LLPH: variants seen among roughly 807,000 people sequenced by gnomAD.
The protein encoded by LLPH is LLP homolog, long-term synaptic facilitation factor.
Under a neutral mutation model 13.3 loss-of-function variants are expected in LLPH, and 5 were observed. The observed-to-expected ratio is 0.38, with a 90% confidence interval of 0.20 to 0.79. LLPH has a LOEUF of 0.79. Among genes scored for constraint, LLPH ranks in the 30% least tolerant of loss-of-function variants. The probability of loss-of-function intolerance (pLI) is 0.45; values close to 1 mark genes in which losing one functional copy is unlikely to be tolerated. For missense variants in LLPH, 129 were observed against 152.1 expected, an observed-to-expected ratio of 0.85 and a Z score of 0.80; for synonymous variants, 32 against 44.2, an observed-to-expected ratio of 0.72 and a Z score of 1.09.
chr12:66,127,051 C>T (rs1261543530), intron 2 of LLPH, among the ~76,000 whole-genome samples: 1 of 152,170 alleles, frequency 6.6e-6, no homozygotes, highest in Non-Finnish European at 1.5e-5. Context: ...TCGAAGATGG[C>T]TATAATCCGA....
Position 66,117,240 on chromosome 12 carries a change from T to A in LLPH, c.*6600A>T, listed in dbSNP as rs1302911629. 1 of 152,234 alleles carries A rather than the reference T, an allele frequency of 6.6e-6. No homozygotes were observed. Among genetic ancestry groups the A allele is most frequent in the Non-Finnish European group, 1.5e-5 (1 of 68,036 alleles). 9.4% of individuals were successfully genotyped at this position (152,234 alleles called of 1,614,324 possible). A position where few individuals can be genotyped will look rare whatever the true frequency, so the allele number is the denominator to read the frequency against. On this transcript the variant is annotated 3_prime_UTR_variant, in exon 3 of 3. Transcript: ENST00000266604. ...CATCTGTACTGAACATGTACCGACTTTTTTTCTTATCATTATTCCCTAAAT... is the reference window on the plus strand; with the variant it reads ...CATCTGTACTGAACATGTACCGACTATTTTTCTTATCATTATTCCCTAAAT...
intron 1 of LLPH, among the ~76,000 whole-genome samples, chr12:66,129,734 G>A (rs1390533633): frequency 4.6e-5 from 7 of 152,104 alleles, no homozygotes; most frequent in Non-Finnish European, 8.8e-5. Flanking sequence ...ATGCAACAGC[G>A]TCATCACCTT....
At chr12:66,124,311 T>C (rs1395756360) in intron 2 of LLPH, among the ~76,000 whole-genome samples, 1 of 152,222 alleles carries the variant, frequency 6.6e-6, no homozygotes, top group African/African-American at 2.4e-5. Flanking sequence ...TTGAGTTCAG[T>C]AAGCATACCT....
rs578093944 is a variant in LLPH at position 66,118,041 on chromosome 12, T to G, written c.*5799A>C. The G allele has an allele frequency of 6.6e-6, 1 of 152,184 alleles. No homozygotes were observed. The highest frequency in any genetic ancestry group is 2.4e-5 in the African/African-American group (1 of 41,530). The allele number at this position is 152,184 out of a possible 1,614,324, so 9.4% of individuals were successfully genotyped here. ...TTATTGAAGAAAGTTTTTTATAAGT[T>G]TATGTAGCCTAAGTGCACAGTGTAT... On this transcript the variant is annotated 3_prime_UTR_variant, in exon 3 of 3. Transcript: ENST00000266604.
In LLPH at chr12:66,118,592, T is replaced by A. The variant is rs2051444006; in HGVS notation, c.*5248A>T. On this transcript the variant is annotated 3_prime_UTR_variant, in exon 3 of 3. Coordinates refer to ENST00000266604, the MANE Select transcript of LLPH (RefSeq NM_032338.4). ...TGATACAATTGCCTACAGTACTCAG[T>A]ACAGTAACTTGCTTGACCAATTTGT... 1 of 152,192 alleles carries A rather than the reference T, an allele frequency of 6.6e-6. No individual in the cohort carries two copies. Among genetic ancestry groups the A allele is most frequent in the Non-Finnish European group, 1.5e-5 (1 of 68,054 alleles). 9.4% of individuals were successfully genotyped at this position (152,192 alleles called of 1,614,324 possible).
chr12:66,123,287 T>G lies in LLPH; in HGVS notation c.*553A>C, dbSNP rs2136827489. The G allele has an allele frequency of 6.6e-6, 1 of 152,518 alleles. No homozygotes were observed. Among genetic ancestry groups the G allele is most frequent in the African/African-American group, 2.4e-5 (1 of 41,520 alleles). 9.4% of individuals were successfully genotyped at this position (152,518 alleles called of 1,614,324 possible). A position where few individuals can be genotyped will look rare whatever the true frequency, so the allele number is the denominator to read the frequency against. ...CTGGAACTACAGGTGCGCGCCCCCATGCCCGGCTAATTTTGTATTTTTAGT... is the reference window on the plus strand; with the variant it reads ...CTGGAACTACAGGTGCGCGCCCCCAGGCCCGGCTAATTTTGTATTTTTAGT... On this transcript the variant is annotated 3_prime_UTR_variant, in exon 3 of 3. Transcript: ENST00000266604.
chr12:66,126,750 G>A (rs1049612493), intron 2 of LLPH, among the ~76,000 whole-genome samples: 8 of 152,028 alleles, frequency 5.3e-5, no homozygotes, highest in Non-Finnish European at 7.4e-5. Context: ...GGCCAACATG[G>A]TGAAACCCCA....
chr12:66,125,393 C>A (rs1026941241), intron 2 of LLPH, among the ~76,000 whole-genome samples: 2 of 152,080 alleles, frequency 1.3e-5, no homozygotes, highest in African/African-American at 2.4e-5. Context: ...AGGATGACTA[C>A]TAGGTTTATG....
rs1025280755 is a variant in LLPH, at chr12:66,117,638, T to C, written c.*6202A>G. 6.6e-6 allele frequency: 1 copy of C among 152,246 alleles called. No homozygotes were observed. Among genetic ancestry groups the C allele is most frequent in the Non-Finnish European group, 1.5e-5 (1 of 68,048 alleles). 9.4% of individuals were successfully genotyped at this position (152,246 alleles called of 1,614,324 possible). A position where few individuals can be genotyped will look rare whatever the true frequency, so the allele number is the denominator to read the frequency against. On this transcript the variant is annotated 3_prime_UTR_variant, in exon 3 of 3. Coordinates refer to ENST00000266604, the MANE Select transcript of LLPH (RefSeq NM_032338.4). ...CCTTCTACTTAAAGAAAAAGTTGAC[T>C]GTGAACAGCCTCAGGCAGGTCCTCC...
chr12:66,128,259 T>C (rs2051509984), intron 2 of LLPH, among the ~76,000 whole-genome samples: 1 of 152,218 alleles, frequency 6.6e-6, no homozygotes, highest in Non-Finnish European at 1.5e-5. Flanking sequence ...TACATGTATT[T>C]CTATTTTAAA....
chr12:66,126,697 G>A (rs545609587), intron 2 of LLPH, among the ~76,000 whole-genome samples: 3 of 152,262 alleles, frequency 2.0e-5, no homozygotes, highest in South Asian at 2.1e-4. Context: ...TTGGGAGGCT[G>A]AGGCAGGTGG....
intron 2 of LLPH, among the ~76,000 whole-genome samples, chr12:66,125,447 A>C (rs1432122490): frequency 6.6e-6 from 1 of 152,188 alleles, no homozygotes; most frequent in East Asian, 1.9e-4. Flanking sequence ...GAAATAAGGA[A>C]AAACATGAAC....
Position 66,128,932 on chromosome 12 carries a change from G to C in LLPH, c.175C>G (p.Gln59Glu), listed in dbSNP as rs1401898727. The C allele has an allele frequency of 1.2e-6, 2 of 1,611,996 alleles. No individual in the cohort carries two copies. The highest frequency in any genetic ancestry group is 1.7e-6 in the Non-Finnish European group (2 of 1,178,998). The change falls in exon 2 of 3, where the codon CAA becomes GAA. Residue 59 changes from glutamine (Q) to glutamate (E), a missense_variant. By Grantham distance (29) the Gln-to-Glu change is conservative. Coordinates refer to ENST00000266604, the MANE Select transcript of LLPH (RefSeq NM_032338.4). ...TVVVPKPKHCQEKMQCEVKDE... is the reference protein window; with the variant it reads ...TVVVPKPKHCEEKMQCEVKDE... ...TTTACCTCACATTGCATTTTCTCTT[G>C]GCAATGTTTGGGTTTGGGTACCACC... is the stretch of plus-strand genomic sequence containing the variant.
chr12:66,123,922 T>C lies in LLPH; in HGVS notation c.308A>G (p.Lys103Arg). Residue 103 changes from lysine (K) to arginine (R), a missense_variant, in exon 3 of 3, where the codon AAA (lysine) becomes AGA (arginine). Physicochemically the swap from Lys to Arg is conservative, Grantham distance 26. Coordinates refer to ENST00000266604, the MANE Select transcript of LLPH (RefSeq NM_032338.4). ...YPIWMNQRQR[K>R]RLKAKREKRK... is the part of the protein sequence containing the mutation. ...TTTCTCTCGCTTTGCCTTCAGCCTT[T>C]TTCTTTGCCTTTGGTTCATCCATAT... 1 of 1,613,172 alleles carries C rather than the reference T, an allele frequency of 6.2e-7. No homozygotes were observed. The highest frequency in any genetic ancestry group is 8.5e-7 in the Non-Finnish European group (1 of 1,179,640).
chr12:66,128,349 A>G (rs1189075146), intron 2 of LLPH, among the ~76,000 whole-genome samples: 1 of 152,222 alleles, frequency 6.6e-6, no homozygotes, highest in Non-Finnish European at 1.5e-5. Context: ...TTATATATAT[A>G]TCCTCCAACT....
intron 2 of LLPH, among the ~76,000 whole-genome samples, chr12:66,127,393 A>G (rs181029618): frequency 1.6e-4 from 25 of 152,376 alleles, no homozygotes; most frequent in Non-Finnish European, 1.2e-4. Context: ...CACCATGCTA[A>G]GGGAAATAAG....
rs1220630242 is a variant in LLPH at position 66,117,134 on chromosome 12, C to G, written c.*6706G>C. On this transcript the variant is annotated 3_prime_UTR_variant, in exon 3 of 3. Coordinates refer to ENST00000266604, the MANE Select transcript of LLPH (RefSeq NM_032338.4). ...CAGCTTTCAACCCAAATTCCAAGAA[C>G]AGTTGGCCCTCTGTATCTATGAATT... The G allele has an allele frequency of 1.3e-5, 2 of 152,104 alleles. No homozygotes were observed. Among genetic ancestry groups the G allele is most frequent in the African/African-American group, 4.8e-5 (2 of 41,416 alleles). The allele number at this position is 152,104 out of a possible 1,614,324, so 9.4% of individuals were successfully genotyped here.
At chr12:66,125,263 G>A (rs564514755) in intron 2 of LLPH, among the ~76,000 whole-genome samples, 14 of 152,252 alleles carry the variant, frequency 9.2e-5, no homozygotes, top group African/African-American at 2.6e-4. Flanking sequence ...AAGAGATGAC[G>A]GCCTTCTGAA....
chr12:66,130,313 T>A (rs1048771811), intron 1 of LLPH: 2 of 152,280 alleles, frequency 1.3e-5, no homozygotes, highest in African/African-American at 4.8e-5. Flanking sequence ...AAAGGTCTTG[T>A]TCACTGCTGA....
Sources: gnomAD v4.1 joint callset for allele counts (sites outside exome capture counted in the v4.1 genomes callset) on GRCh38, gnomAD v4.1.1 for gene constraint, MANE v1.5 for transcripts, NCBI Gene and HGNC (gene_info 2026-07-23, HGNC 2026-07-21) for gene names.